Variants in SNED1 observed in about 807,000 individuals in gnomAD.
The protein encoded by SNED1 is sushi, nidogen and EGF-like domain-containing protein 1.
SNED1 carries 81 observed loss-of-function variants against 166.7 expected under a neutral mutation model. That is an observed-to-expected ratio of 0.49 (90% CI 0.41 to 0.58). SNED1 has a LOEUF of 0.58. SNED1 is among the 20% of genes least tolerant of loss of function. The pLI is 0.00. For missense variants in SNED1, 1,604 were observed against 2,000.2 expected (o/e 0.80, Z 3.78); for synonymous variants, 762 against 822.0 (o/e 0.93, Z 1.25).
chr2:241,079,209 G>A (rs1322275651), intron 27 of SNED1, among the ~76,000 whole-genome samples: 14 of 150,832 alleles, frequency 9.3e-5, no homozygotes, highest in African/African-American at 2.9e-4. Flanking sequence ...TCAGGAGATC[G>A]AGACCATCCT....
At position 241,062,798 on chromosome 2, in the gene SNED1, TG is replaced by T; in HGVS notation, c.2266del (p.Glu756SerfsTer112). ...TGGGCTCTCTCCTCTCAGAAATCGATGAGTGCCGGTCTCAGCCGTGCCTGCA... is the reference window on the plus strand; with the variant it reads ...TGGGCTCTCTCCTCTCAGAAATCGATAGTGCCGGTCTCAGCCGTGCCTGCA... Reference protein sequence around the residue: ...SEPPQCLEIDECRSQPCLHGG... With the variant: ...SEPPQCLEIDXCRSQPCLHGG... On this transcript the variant is annotated frameshift_variant, in exon 17 of 32. Coordinates refer to ENST00000310397, the MANE Select transcript of SNED1 (RefSeq NM_001080437.3). LOFTEE classifies it high-confidence loss of function. The T allele has an allele frequency of 6.2e-7, 1 of 1,608,844 alleles. No homozygotes were observed. The highest frequency in any genetic ancestry group is 8.5e-7 in the Non-Finnish European group (1 of 1,177,336).
At chr2:241,017,329 GCTGT>G (rs1479634513) in intron 1 of SNED1, among the ~76,000 whole-genome samples, 1 of 152,256 alleles carries the variant, frequency 6.6e-6, no homozygotes, top group East Asian at 1.9e-4. Context: ...GGGTTCTGTT[GCTGT>G]CTAAGTCCTG....
chr2:241,048,981 A>G (rs1266865546), intron 10 of SNED1, 41 bp from the exon 11 acceptor site: 1 of 1,529,114 alleles, frequency 6.5e-7, no homozygotes, highest in South Asian at 1.2e-5. Context: ...CTGCTGGAAG[A>G]CATGTGGAAT....
At chr2:241,052,564 G>A in intron 15 of SNED1, 96 bp downstream of exon 15, 1 of 979,774 alleles carries the variant, frequency 1.0e-6, no homozygotes, top group Non-Finnish European at 1.6e-6. Flanking sequence ...GGATACCAGT[G>A]CCAGGCAGGT....
intron 1 of SNED1, among the ~76,000 whole-genome samples, chr2:241,008,209 TG>T (rs2060281422): frequency 6.6e-6 from 1 of 152,238 alleles, no homozygotes; most frequent in African/African-American, 2.4e-5. Context: ...AGATCCCAAG[TG>T]GGGGAACAGA....
At chr2:241,021,895 G>A (rs1057422169) in intron 1 of SNED1, among the ~76,000 whole-genome samples, 1 of 152,196 alleles carries the variant, frequency 6.6e-6, no homozygotes, top group African/African-American at 2.4e-5. Context: ...CACTAGCAAT[G>A]TATGAGGGTT....
intron 2 of SNED1, among the ~76,000 whole-genome samples, chr2:241,031,203 C>T (rs1014910764): frequency 1.3e-5 from 2 of 151,884 alleles, no homozygotes; most frequent in African/African-American, 2.4e-5. Flanking sequence ...CTTGCTCTGT[C>T]GCCCAGGCTG....
At chr2:241,011,869 C>CGCTGCCCTGTCCTG (rs1262802744) in intron 1 of SNED1, among the ~76,000 whole-genome samples, 6 of 152,234 alleles carry the variant, frequency 3.9e-5, no homozygotes, top group African/African-American at 1.2e-4. Flanking sequence ...GCGGTGCTGG[C>CGCTGCCCTGTCCTG]GCTGCCCTGT....
At chr2:241,015,312 G>T (rs2060545481) in intron 1 of SNED1, among the ~76,000 whole-genome samples, 1 of 152,182 alleles carries the variant, frequency 6.6e-6, no homozygotes, top group African/African-American at 2.4e-5. Flanking sequence ...ATCGAGTGCA[G>T]AGAAGTTTTG....
intron 1 of SNED1, among the ~76,000 whole-genome samples, chr2:241,011,499 G>T (rs1013584732): frequency 2.6e-5 from 4 of 152,210 alleles, no homozygotes; most frequent in Non-Finnish European, 5.9e-5. Flanking sequence ...GACTAAACCC[G>T]CACTGTTCCT....
intron 29 of SNED1, among the ~76,000 whole-genome samples, chr2:241,086,311 G>A (rs1037636703): frequency 6.6e-6 from 1 of 152,166 alleles, no homozygotes; most frequent in African/African-American, 2.4e-5. Flanking sequence ...ACAGGCCCAA[G>A]GGGACCCTAC....
chr2:241,009,213 T>C (rs4676011), intron 1 of SNED1, among the ~76,000 whole-genome samples: 114,647 of 152,032 alleles, frequency 0.75, 43,510 homozygotes, highest in East Asian at 0.91. Context: ...AGGGTGACTG[T>C]GAGGAGGCCC....
At chr2:241,079,878 T>C (rs2063247081) in intron 27 of SNED1, among the ~76,000 whole-genome samples, 1 of 152,210 alleles carries the variant, frequency 6.6e-6, no homozygotes, top group Non-Finnish European at 1.5e-5. Context: ...AATACCTGAA[T>C]TGTTATTTTG....
chr2:241,048,017 C>G (rs374186920), intron 8 of SNED1, among the ~76,000 whole-genome samples: 1 of 150,836 alleles, frequency 6.6e-6, no homozygotes, highest in African/African-American at 2.4e-5. Flanking sequence ...TGGGTGGTCT[C>G]TCCGGTGCTT....
chr2:241,090,968 G>A (rs370546124), intron 31 of SNED1, among the ~76,000 whole-genome samples: 4 of 152,064 alleles, frequency 2.6e-5, no homozygotes, highest in East Asian at 1.9e-4. Context: ...GTCCTTCATC[G>A]TGCAGTGCCT....
Position 241,071,957 on chromosome 2 carries a change from A to G in SNED1, c.3817+79A>G, listed in dbSNP as rs1172411840. 2.5e-6 allele frequency: 3 copies of G among 1,188,016 alleles called. No homozygotes were observed. In the African/African-American group the frequency reaches 4.6e-5, roughly 18 times the overall value. The allele number at this position is 1,188,016 out of a possible 1,614,324, so 73.6% of individuals were successfully genotyped here. A position where few individuals can be genotyped will look rare whatever the true frequency, so the allele number is the denominator to read the frequency against. On this transcript the variant is annotated intron_variant, in intron 26 of 31. Transcript: ENST00000310397. Reference sequence around the variant, plus strand: ...CCACTCTCACCAGGTCCTGTCCCCTACATGATGAGCCCACCCCCACCGCCA... The same window carrying G: ...CCACTCTCACCAGGTCCTGTCCCCTGCATGATGAGCCCACCCCCACCGCCA...
At chr2:241,056,598 T>TTTTTTTTTA (rs2062047145) in intron 16 of SNED1, among the ~76,000 whole-genome samples, 1 of 149,662 alleles carries the variant, frequency 6.7e-6, no homozygotes, top group Non-Finnish European at 1.5e-5. Flanking sequence ...TTTTTTTTTT[T>TTTTTTTTTA]GAGACGGAGT....
chr2:241,089,010 GC>G, intron 31 of SNED1: 2 of 308,110 alleles, frequency 6.5e-6, no homozygotes, highest in South Asian at 1.3e-4. Context: ...ACTTCCTCTC[GC>G]CTTTGTTTAA....
In SNED1 at chr2:241,090,868, CAAAAAAAA is replaced by C. The variant is rs371271027; in HGVS notation, c.*2-761_*2-754del. On this transcript the variant is annotated intron_variant, in intron 31 of 31. Transcript: ENST00000310397. Reference sequence around the variant, plus strand: ...GGCAACTGAGCAAGACCCTCTGTCTCAAAAAAAAAAAAAAAAGAAAAAAGAATTCTGTA... The same window carrying C: ...GGCAACTGAGCAAGACCCTCTGTCTCAAAAAAAAGAAAAAAGAATTCTGTA... 7.7e-3 allele frequency among the ~76,000 whole-genome samples: 778 copies of C among 100,794 alleles called. 8 individuals carry two copies. The highest frequency in any genetic ancestry group is 0.028 in the African/African-American group (738 of 26,402). The allele number at this position is 100,794 out of a possible 152,430, so 66.1% of individuals were successfully genotyped here. A position where few individuals can be genotyped will look rare whatever the true frequency, so the allele number is the denominator to read the frequency against.
Sources: allele counts gnomAD v4.1 joint callset (sites outside exome capture counted in the v4.1 genomes callset), GRCh38; gene constraint gnomAD v4.1.1; transcripts MANE v1.5; gene names NCBI Gene and HGNC (gene_info 2026-07-23, HGNC 2026-07-21).